AUH: variants seen among roughly 807,000 people sequenced by gnomAD.
AUH encodes methylglutaconyl-CoA hydratase, mitochondrial.
In AUH, 29 loss-of-function variants were observed where a neutral mutation model predicts 42.3. That is an observed-to-expected ratio of 0.69 (90% CI 0.51 to 0.93). The LOEUF is 0.93. Among genes scored for constraint, AUH ranks in the 40% least tolerant of loss-of-function variants. The pLI is 0.00. For synonymous variants in AUH, 174 were observed against 166.4 expected (o/e 1.05, Z -0.35); for missense variants, 452 against 438.1 (o/e 1.03, Z -0.28).
chr9:91,295,283 G>A (rs1327292149), intron 6 of AUH, among the ~76,000 whole-genome samples: 1 of 152,112 alleles, frequency 6.6e-6, no homozygotes, highest in Non-Finnish European at 1.5e-5. Context: ...CATGAGAACA[G>A]ACTAATACAT....
At chr9:91,272,128 G>A (rs992636165) in intron 6 of AUH, among the ~76,000 whole-genome samples, 2 of 152,150 alleles carry the variant, frequency 1.3e-5, no homozygotes, top group Non-Finnish European at 2.9e-5. Flanking sequence ...TCTAAAAGCT[G>A]GTGCTCCTAC....
chr9:91,314,419 G>A (rs982883230), intron 4 of AUH, among the ~76,000 whole-genome samples: 1 of 150,414 alleles, frequency 6.6e-6, no homozygotes, highest in Admixed American at 6.6e-5. Flanking sequence ...GGAGGTCGAG[G>A]CTACAGACAG....
In AUH at chr9:91,284,537, T is replaced by A. The variant is rs1464401271; in HGVS notation, c.655+11484A>T. Among the ~76,000 whole-genome samples, 5 of 152,144 alleles carry A rather than the reference T, an allele frequency of 3.3e-5. No homozygotes were observed. The East Asian group carries it at 9.7e-4, about 29-fold the overall frequency. On this transcript the variant is annotated intron_variant, in intron 6 of 9. Coordinates refer to ENST00000375731, the MANE Select transcript of AUH (RefSeq NM_001698.3). ...CAGCGTGAACAGGCAACCTACAGAA[T>A]GGGAGAAAATTTTTGCAATCTACTC...
intron 3 of AUH, among the ~76,000 whole-genome samples, chr9:91,328,343 T>C (rs927745932): frequency 1.3e-5 from 2 of 152,180 alleles, no homozygotes; most frequent in Non-Finnish European, 1.5e-5. Context: ...TAGGTCATCA[T>C]CAGACCAATT....
intron 6 of AUH, among the ~76,000 whole-genome samples, chr9:91,271,454 A>G (rs1825115481): frequency 6.6e-6 from 1 of 152,234 alleles, no homozygotes; most frequent in Non-Finnish European, 1.5e-5. Context: ...TTTTTCTGAA[A>G]TGTAATCAAC....
At chr9:91,306,459 T>C (rs974839032) in intron 4 of AUH, 2 of 846,476 alleles carry the variant, frequency 2.4e-6, no homozygotes, top group African/African-American at 3.7e-5. Flanking sequence ...ATACCATAAG[T>C]AGTTTACTTT....
intron 6 of AUH, among the ~76,000 whole-genome samples, chr9:91,288,788 ATTCT>A (rs1044376185): frequency 3.9e-5 from 6 of 152,154 alleles, no homozygotes; most frequent in East Asian, 1.9e-4. Context: ...ACTAAACAAT[ATTCT>A]TTCTAATAAA....
intron 4 of AUH, among the ~76,000 whole-genome samples, chr9:91,302,632 T>C (rs1028943937): frequency 2.7e-5 from 4 of 145,562 alleles, no homozygotes; most frequent in African/African-American, 7.8e-5. Context: ...TAGCCAGACA[T>C]GGTGGTGCGT....
At chr9:91,317,116 T>A (rs1377916768) in intron 4 of AUH, among the ~76,000 whole-genome samples, 1 of 152,212 alleles carries the variant, frequency 6.6e-6, no homozygotes, top group Non-Finnish European at 1.5e-5. Flanking sequence ...CGAAAGCGAA[T>A]AATACACCGT....
At chr9:91,360,042 A>C (rs886286956) in intron 1 of AUH, among the ~76,000 whole-genome samples, 1 of 151,830 alleles carries the variant, frequency 6.6e-6, no homozygotes, top group Non-Finnish European at 1.5e-5. Flanking sequence ...CATGATACCC[A>C]AAAAAATTTT....
chr9:91,321,339 C>G (rs558739829), intron 4 of AUH, among the ~76,000 whole-genome samples: 1 of 152,178 alleles, frequency 6.6e-6, no homozygotes, highest in East Asian at 1.9e-4. Context: ...GCTATTTTTT[C>G]TCTTTACATT....
intron 6 of AUH, among the ~76,000 whole-genome samples, chr9:91,252,867 C>A (rs568821191): frequency 2.0e-5 from 3 of 152,184 alleles, no homozygotes; most frequent in Non-Finnish European, 4.4e-5. Context: ...GGACCATAAT[C>A]ACATATGATA....
intron 4 of AUH, among the ~76,000 whole-genome samples, chr9:91,311,212 A>C (rs182840726): frequency 6.6e-6 from 1 of 152,160 alleles, no homozygotes; most frequent in Non-Finnish European, 1.5e-5. Flanking sequence ...GAGACTGAAA[A>C]TTTCCAAAAT....
At chr9:91,320,511 C>T (rs1194779288) in intron 4 of AUH, among the ~76,000 whole-genome samples, 8 of 152,174 alleles carry the variant, frequency 5.3e-5, no homozygotes, top group Non-Finnish European at 4.4e-5. Flanking sequence ...TTCTGCACCT[C>T]GCTTCTGATT....
intron 3 of AUH, among the ~76,000 whole-genome samples, chr9:91,329,147 A>G (rs1830152360): frequency 6.6e-6 from 1 of 152,140 alleles, no homozygotes; most frequent in South Asian, 2.1e-4. Flanking sequence ...CGGATGACAG[A>G]TATTCATATC....
At chr9:91,294,273 G>C (rs1827137462) in intron 6 of AUH, among the ~76,000 whole-genome samples, 1 of 152,184 alleles carries the variant, frequency 6.6e-6, no homozygotes, top group African/African-American at 2.4e-5. Context: ...TTTCAGGCTG[G>C]GCGTGGTGGC....
At chr9:91,344,942 T>C (rs1001495419) in intron 3 of AUH, among the ~76,000 whole-genome samples, 17 of 151,674 alleles carry the variant, frequency 1.1e-4, no homozygotes, top group African/African-American at 3.9e-4. Flanking sequence ...ATTGACAGGC[T>C]GAAAAATAAT....
At position 91,293,051 on chromosome 9, in the gene AUH, G is replaced by A. The variant is rs148373886; in HGVS notation, c.655+2970C>T. The stretch of plus-strand genomic sequence containing the variant: ...ATTATTTTGGGGCACCATGAACCAC[G>A]CCCACATAGGATGGCAAACTTAACC... On this transcript the variant is annotated intron_variant, in intron 6 of 9. Transcript: ENST00000375731. Among the ~76,000 whole-genome samples the A allele has an allele frequency of 6.1e-4, 93 of 152,204 alleles. 1 individual carries two copies. The highest frequency in any genetic ancestry group is 2.1e-3 in the African/African-American group (86 of 41,522).
intron 8 of AUH, 53 bp from the exon 9 acceptor site, chr9:91,216,159 T>C (rs1224478684): frequency 1.3e-6 from 2 of 1,517,562 alleles, no homozygotes; most frequent in Non-Finnish European, 1.8e-6. Flanking sequence ...CGAAATGTGG[T>C]ATATTCAACA....
Sources: gnomAD v4.1 joint callset for allele counts (sites outside exome capture counted in the v4.1 genomes callset) on GRCh38, gnomAD v4.1.1 for gene constraint, MANE v1.5 for transcripts, NCBI Gene and HGNC (gene_info 2026-07-23, HGNC 2026-07-21) for gene names.